The following GAS7 variants were observed in gnomAD, a reference collection of about 807,000 sequenced individuals.
GAS7 encodes the protein growth arrest-specific protein 7.
In GAS7, 28 loss-of-function variants were observed where a neutral mutation model predicts 71.1. That is an observed-to-expected ratio of 0.39 (90% confidence interval 0.29 to 0.54). The LOEUF (loss-of-function observed/expected upper bound fraction) is 0.54, where lower values mean the gene tolerates loss of function less well. Ranked by LOEUF, GAS7 falls within the 20% of genes least tolerant of loss-of-function variation. The probability of loss-of-function intolerance (pLI) is 0.62; values close to 1 mark genes in which losing one functional copy is unlikely to be tolerated. For synonymous variants in GAS7, 258 were observed against 245.8 expected (o/e 1.05, Z -0.46); for missense variants, 436 against 627.8 (o/e 0.69, Z 3.27).
chr17:10,031,622 C>A (rs2072620347), intron 1 of GAS7, among the ~76,000 whole-genome samples: 1 of 152,208 alleles, frequency 6.6e-6, no homozygotes, highest in African/African-American at 2.4e-5. Context: ...CCTTCCTCCT[C>A]TGACTCTGGA....
chr17:10,100,198 T>C (rs1278532122), intron 1 of GAS7, among the ~76,000 whole-genome samples: 1 of 152,242 alleles, frequency 6.6e-6, no homozygotes, highest in Non-Finnish European at 1.5e-5. Context: ...CTTTTTGTGG[T>C]TGATTTCATT....
At position 9,969,876 on chromosome 17, in the gene GAS7, C is replaced by T. The variant is rs529849984; in HGVS notation, c.386-114G>A. The T allele has an allele frequency of 6.8e-5, 48 of 703,026 alleles. No individual in the cohort carries two copies. The highest frequency in any genetic ancestry group is 4.0e-4 in the African/African-American group (23 of 57,340). The allele number at this position is 703,026 out of a possible 1,614,324, so 43.5% of individuals were successfully genotyped here. A position where few individuals can be genotyped will look rare whatever the true frequency, so the allele number is the denominator to read the frequency against. On this transcript the variant is annotated intron_variant, in intron 3 of 13. Transcript: ENST00000432992. This position sits in a 1 kb window ranked among gnomAD's most constrained non-coding sequence, Gnocchi z 5.5. ...CCTTCCTTGGCTCTGAGAGGTCTTG[C>T]GTGGCGAAGACCATCCCTCAGGATC...
At chr17:9,962,711 C>A (rs78314543) in intron 4 of GAS7, among the ~76,000 whole-genome samples, 84 of 152,338 alleles carry the variant, frequency 5.5e-4, no homozygotes, top group African/African-American at 1.7e-3. Context: ...GATGGAAAGA[C>A]TGCCAGGGCA....
At chr17:10,016,372 G>A (rs1286213172) in intron 2 of GAS7, among the ~76,000 whole-genome samples, 5 of 128,644 alleles carry the variant, frequency 3.9e-5, no homozygotes, top group Non-Finnish European at 7.8e-5. Context: ...GTGAAAGAGC[G>A]AGACTCCGTC....
chr17:10,192,660 T>C (rs72810961), intron 1 of GAS7, among the ~76,000 whole-genome samples: 3,917 of 152,282 alleles, frequency 0.026, 90 homozygotes, highest in South Asian at 0.1. Context: ...ATGCCCTGAA[T>C]CCACTCAATC....
intron 1 of GAS7, among the ~76,000 whole-genome samples, chr17:10,185,573 T>A (rs1041628574): frequency 6.6e-6 from 1 of 152,158 alleles, no homozygotes; most frequent in African/African-American, 2.4e-5. Flanking sequence ...CCAAGTTCTG[T>A]GAGCCATCCT....
intron 9 of GAS7, among the ~76,000 whole-genome samples, chr17:9,933,162 ACTCTGT>A: frequency 6.6e-6 from 1 of 152,258 alleles, no homozygotes; most frequent in Non-Finnish European, 1.5e-5. Context: ...ACAAAGCAAG[ACTCTGT>A]CTCAAAATCA....
At chr17:9,970,405 G>A (rs899199569) in intron 3 of GAS7, among the ~76,000 whole-genome samples, 5 of 152,066 alleles carry the variant, frequency 3.3e-5, no homozygotes, top group South Asian at 4.2e-4. Context: ...CGAGGTGGGC[G>A]GATCATGTGA....
intron 1 of GAS7, among the ~76,000 whole-genome samples, chr17:10,134,113 C>T (rs1312606341): frequency 1.3e-5 from 2 of 152,042 alleles, no homozygotes; most frequent in Non-Finnish European, 2.9e-5. Flanking sequence ...TCACTGCAAG[C>T]TCTGCCTCCC....
At position 9,925,453 on chromosome 17, in the gene GAS7, C is replaced by A. The variant is rs775511676; in HGVS notation, c.1138+23G>T. The A allele has an allele frequency of 2.5e-6, 4 of 1,613,310 alleles. No homozygotes were observed. In the South Asian group the frequency reaches 4.4e-5, roughly 18 times the overall value. ...TCTCCTTCTGTGTGCACTGACCAGG[C>A]CAGGCGGGTGCCCAGCACTTACCAG... On this transcript the variant is annotated intron_variant, in intron 11 of 13. Transcript: ENST00000432992.
chr17:10,115,896 C>T (rs2073856852), intron 1 of GAS7, among the ~76,000 whole-genome samples: 1 of 152,160 alleles, frequency 6.6e-6, no homozygotes, highest in Admixed American at 6.5e-5. Context: ...CTGGGGGTGG[C>T]AGTGGAGAGA....
intron 2 of GAS7, among the ~76,000 whole-genome samples, chr17:9,997,236 G>T (rs2071082762): frequency 6.7e-6 from 1 of 148,282 alleles, no homozygotes; most frequent in Non-Finnish European, 1.5e-5. Context: ...ATTTTAAAGG[G>T]GCCGGGCGGG....
chr17:10,088,208 G>A (rs1291687188), intron 1 of GAS7, among the ~76,000 whole-genome samples: 2 of 132,334 alleles, frequency 1.5e-5, no homozygotes, highest in Non-Finnish European at 3.2e-5. Flanking sequence ...GCAACAGAGC[G>A]AGACTCTATC....
chr17:10,125,014 G>A (rs1323637752), intron 1 of GAS7, among the ~76,000 whole-genome samples: 2 of 149,294 alleles, frequency 1.3e-5, no homozygotes, highest in East Asian at 4.1e-4. Context: ...TACTCTCCGT[G>A]CAAAAAGATA....
intron 1 of GAS7, among the ~76,000 whole-genome samples, chr17:10,144,133 ACT>A (rs56285905): frequency 0.85 from 128,946 of 152,030 alleles, 54,795 homozygotes; most frequent in Middle Eastern, 0.88. Context: ...ATTGCAGGAG[ACT>A]CTAGTAACTC....
intron 1 of GAS7, among the ~76,000 whole-genome samples, chr17:10,080,247 C>T (rs985642901): frequency 6.6e-6 from 1 of 152,120 alleles, no homozygotes; most frequent in Non-Finnish European, 1.5e-5. Flanking sequence ...AGAGACATTC[C>T]CACCAGCACC....
At position 9,959,895 on chromosome 17, in the gene GAS7, C is replaced by A. The variant is rs1597550794; in HGVS notation, c.472-640G>T. On this transcript the variant is annotated intron_variant, in intron 4 of 13. Coordinates refer to ENST00000432992, the MANE Select transcript of GAS7 (RefSeq NM_201433.2). The surrounding 1 kb of genome is among the most constrained non-coding windows in gnomAD (Gnocchi z 5.0). Reference sequence around the variant, plus strand: ...AACCAGAGTCCCAAGTACCTCTGAGCCTGGGGTCCTCAGCAGTTTGCCAAA... The same window carrying A: ...AACCAGAGTCCCAAGTACCTCTGAGACTGGGGTCCTCAGCAGTTTGCCAAA... 6.6e-6 allele frequency among the ~76,000 whole-genome samples: 1 copy of A among 152,154 alleles called. No individual in the cohort carries two copies. The highest frequency in any genetic ancestry group is 2.1e-4 in the South Asian group (1 of 4,828).
chr17:10,029,151 G>A lies in GAS7; in HGVS notation c.184-9254C>T, dbSNP rs117265181. ...TAATCATTTACGTGGGAAGACCAGT[G>A]CAAGAATAAAAAGAAGGCTGGTCTC... On this transcript the variant is annotated intron_variant, in intron 1 of 13. Transcript: ENST00000432992. 6.2e-3 allele frequency among the ~76,000 whole-genome samples: 939 copies of A among 152,316 alleles called. 9 individuals are homozygous for A. Among genetic ancestry groups the A allele is most frequent in the Non-Finnish European group, 0.01 (693 of 68,032 alleles).
chr17:9,975,816 C>T (rs1341563057), intron 3 of GAS7, among the ~76,000 whole-genome samples: 1 of 152,202 alleles, frequency 6.6e-6, no homozygotes, highest in African/African-American at 2.4e-5. Context: ...CATCCTTCCG[C>T]GCACACAGAC....
Sources: gnomAD v4.1 joint callset for allele counts (sites outside exome capture counted in the v4.1 genomes callset) on GRCh38, gnomAD v4.1.1 for gene constraint, Gnocchi (gnomAD v3.1) non-coding constraint, MANE v1.5 for transcripts, NCBI Gene and HGNC (gene_info 2026-07-23, HGNC 2026-07-21) for gene names.